Variants in DOCK7 observed in about 807,000 individuals in gnomAD.
The protein encoded by DOCK7 is dedicator of cytokinesis 7.
A neutral mutation model predicts 271.0 loss-of-function variants in DOCK7; 138 were observed. The observed-to-expected ratio is 0.51, with a 90% CI of 0.44 to 0.59. The LOEUF is 0.59. Ranked by LOEUF, DOCK7 falls within the 20% of genes least tolerant of loss-of-function variation. DOCK7 has a pLI of 0.00. For missense variants in DOCK7, 2,066 were observed against 2,592.4 expected, an observed-to-expected ratio of 0.80 and a Z score of 4.41; for synonymous variants, 823 against 876.1, an observed-to-expected ratio of 0.94 and a Z score of 1.07.
At chr1:62,614,454 A>G (rs1347893811) in intron 14 of DOCK7, among the ~76,000 whole-genome samples, 2 of 152,010 alleles carry the variant, frequency 1.3e-5, no homozygotes, top group African/African-American at 4.8e-5. Flanking sequence ...TCCCATGGAC[A>G]TTGATGGTCT....
At chr1:62,483,396 T>A (rs1557607174) in intron 43 of DOCK7, 1 of 151,742 alleles carries the variant, frequency 6.6e-6, no homozygotes. Context: ...TGGTATGGGA[T>A]ATATTATCAG....
intron 24 of DOCK7, 43 bp from the exon 25 acceptor site, chr1:62,542,746 G>A (rs756510244): frequency 6.4e-7 from 1 of 1,555,656 alleles, no homozygotes; most frequent in African/African-American, 1.4e-5. Flanking sequence ...AGTCAAATCT[G>A]CTGATAACAT....
intron 38 of DOCK7, 128 bp from the exon 39 acceptor site, chr1:62,495,809 T>G (rs986122929): frequency 4.4e-5 from 31 of 712,244 alleles, no homozygotes; most frequent in Admixed American, 3.3e-5. Flanking sequence ...ACTGATATGA[T>G]TCTGTACAGT....
At chr1:62,598,711 CAAGAT>C in intron 14 of DOCK7, 1 of 1,607,834 alleles carries the variant, frequency 6.2e-7, no homozygotes, top group Non-Finnish European at 8.5e-7. Flanking sequence ...TGTAGAAAAA[CAAGAT>C]AATAGCATCA....
At chr1:62,677,017 A>G (rs146420699) in intron 1 of DOCK7, among the ~76,000 whole-genome samples, 2 of 152,346 alleles carry the variant, frequency 1.3e-5, no homozygotes, top group Admixed American at 1.3e-4. Flanking sequence ...TAAACTGCAG[A>G]TAGGAGAGCT....
chr1:62,479,963 G>T lies in DOCK7; in HGVS notation c.5509-2138C>A, dbSNP rs193081225. 1.8e-3 allele frequency among the ~76,000 whole-genome samples: 280 copies of T among 152,286 alleles called. 1 individual carries two copies. Among genetic ancestry groups the T allele is most frequent in the Middle Eastern group, 6.8e-3 (2 of 294 alleles). On this transcript the variant is annotated intron_variant, in intron 43 of 49. Transcript: ENST00000635253. Reference sequence around the variant, plus strand: ...GCCTCCCAAAGTGCTGAGATTACAGGTGTGACCTGTAATATTAATATGCTG... The same window carrying T: ...GCCTCCCAAAGTGCTGAGATTACAGTTGTGACCTGTAATATTAATATGCTG...
At chr1:62,478,076 TG>T in intron 43 of DOCK7, 1 of 370,332 alleles carries the variant, frequency 2.7e-6, no homozygotes, top group Non-Finnish European at 4.8e-6. Flanking sequence ...TTTCGGAGTT[TG>T]TACGAAGTGC....
intron 22 of DOCK7, among the ~76,000 whole-genome samples, chr1:62,545,664 ATAT>A (rs1287385138): frequency 1.3e-5 from 2 of 152,146 alleles, no homozygotes; most frequent in African/African-American, 4.8e-5. Flanking sequence ...TTATTAATAA[ATAT>A]TATAAGGAAA....
chr1:62,501,977 T>C (rs1646797442), intron 37 of DOCK7, among the ~76,000 whole-genome samples: 1 of 152,096 alleles, frequency 6.6e-6, no homozygotes, highest in African/African-American at 2.4e-5. Flanking sequence ...AAAGCAGCAA[T>C]GTAATCAATT....
intron 12 of DOCK7, among the ~76,000 whole-genome samples, chr1:62,623,011 C>T (rs1009334972): frequency 6.6e-6 from 1 of 152,084 alleles, no homozygotes; most frequent in Non-Finnish European, 1.5e-5. Flanking sequence ...TAGGCTCAAG[C>T]GACCCCCCAG....
At chr1:62,669,374 G>A (rs1384786507) in intron 1 of DOCK7, among the ~76,000 whole-genome samples, 1 of 152,178 alleles carries the variant, frequency 6.6e-6, no homozygotes, top group Non-Finnish European at 1.5e-5. Context: ...ATGGTGGGGG[G>A]AAAAGAGTAC....
At chr1:62,666,100 C>T (rs1332706471) in intron 1 of DOCK7, among the ~76,000 whole-genome samples, 2 of 151,474 alleles carry the variant, frequency 1.3e-5, no homozygotes. Context: ...GGAGGCAGAG[C>T]TTGCAGTAAG....
At chr1:62,553,342 ATATATATATATATTTTTTTTTTTTTTT>A (rs1488625350) in intron 21 of DOCK7, among the ~76,000 whole-genome samples, 1,448 of 33,004 alleles carry the variant, frequency 0.044, 47 homozygotes, top group South Asian at 0.059. Flanking sequence ...ATATATATAT[ATATATATATATATTTTTTTTTTTTTTT>A]TTTTTTTTTT....
chr1:62,546,553 G>C (rs924844976), intron 22 of DOCK7, among the ~76,000 whole-genome samples: 2 of 152,018 alleles, frequency 1.3e-5, no homozygotes, highest in East Asian at 1.9e-4. Flanking sequence ...AAAATGATGA[G>C]AGTGTCTCCC....
intron 11 of DOCK7, chr1:62,628,557 T>C (rs1654227133): frequency 6.6e-6 from 1 of 152,188 alleles, no homozygotes; most frequent in African/African-American, 2.4e-5. Flanking sequence ...AAATGGATTA[T>C]TATAAACCTA....
At chr1:62,654,344 G>A (rs1437093074) in intron 2 of DOCK7, among the ~76,000 whole-genome samples, 185 bp from the exon 3 acceptor site, 1 of 152,058 alleles carries the variant, frequency 6.6e-6, no homozygotes, top group African/African-American at 2.4e-5. Context: ...TGTACTCCTT[G>A]ATGTTTTGGG....
chr1:62,548,027 C>T (rs893990139), intron 22 of DOCK7, among the ~76,000 whole-genome samples: 5 of 152,016 alleles, frequency 3.3e-5, no homozygotes, highest in Non-Finnish European at 7.4e-5. Flanking sequence ...TTAACTCATA[C>T]TAACATTTCT....
chr1:62,547,641 GC>G (rs1256058306), intron 22 of DOCK7, among the ~76,000 whole-genome samples: 1 of 152,130 alleles, frequency 6.6e-6, no homozygotes, highest in Non-Finnish European at 1.5e-5. Context: ...ACGTATCAGT[GC>G]AAAATTCCAC....
At chr1:62,539,138 G>C (rs1442342498) in intron 27 of DOCK7, among the ~76,000 whole-genome samples, 1 of 152,122 alleles carries the variant, frequency 6.6e-6, no homozygotes, top group African/African-American at 2.4e-5. Flanking sequence ...AATGTCCAGG[G>C]CTGGATTAGG....
Sources: allele counts gnomAD v4.1 joint callset (sites outside exome capture counted in the v4.1 genomes callset), GRCh38; gene constraint gnomAD v4.1.1; transcripts MANE v1.5; gene names NCBI Gene and HGNC (gene_info 2026-07-23, HGNC 2026-07-21).